The following AKR1D1 variants were observed in gnomAD, a reference collection of about 807,000 sequenced individuals.
The protein encoded by AKR1D1 is aldo-keto reductase family 1 member D1.
A neutral mutation model predicts 42.6 loss-of-function variants in AKR1D1; 32 were observed. The ratio of observed to expected loss-of-function variants is 0.75; its 90% CI spans 0.57 to 1.01. The LOEUF is 1.01. Among genes scored for constraint, AKR1D1 ranks in the 50% least tolerant of loss-of-function variants. The pLI is 0.00. For missense variants in AKR1D1, 364 were observed against 402.2 expected, an observed-to-expected ratio of 0.91 and a Z score of 0.81; for synonymous variants, 123 against 135.5, an observed-to-expected ratio of 0.91 and a Z score of 0.64.
chr7:138,100,699 C>CTTTTTTTTTTTTTTTTTTTTTTTT (rs749956421), intron 4 of AKR1D1, among the ~76,000 whole-genome samples: 1 of 88,392 alleles, frequency 1.1e-5, no homozygotes. Context: ...GTCAGAGATT[C>CTTTTTTTTTTTTTTTTTTTTTTTT]TTTTTTTTTT....
At chr7:138,077,908 T>C (rs1802974141) in intron 1 of AKR1D1, among the ~76,000 whole-genome samples, 1 of 152,132 alleles carries the variant, frequency 6.6e-6, no homozygotes, top group Non-Finnish European at 1.5e-5. Context: ...AATCTGAAAA[T>C]GCAGATTAAG....
At chr7:138,104,781 T>C (rs913984492) in intron 4 of AKR1D1, among the ~76,000 whole-genome samples, 1 of 151,868 alleles carries the variant, frequency 6.6e-6, no homozygotes, top group East Asian at 1.9e-4. Context: ...TTAATTGAGA[T>C]AGGGTCTCAC....
intron 4 of AKR1D1, among the ~76,000 whole-genome samples, chr7:138,098,743 G>C (rs1386801780): frequency 2.0e-5 from 3 of 152,114 alleles, no homozygotes; most frequent in Non-Finnish European, 1.5e-5. Context: ...ATGGATTCGT[G>C]GTGGGGAGGG....
intron 2 of AKR1D1, among the ~76,000 whole-genome samples, chr7:138,090,636 CAAAA>C (rs201055784): frequency 6.6e-5 from 6 of 91,476 alleles, no homozygotes; most frequent in Non-Finnish European, 4.8e-5. Flanking sequence ...GACCCCGTCT[CAAAA>C]AAAAAAAAAA....
intron 7 of AKR1D1, 107 bp downstream of exon 7, chr7:138,107,687 A>G: frequency 1.6e-6 from 2 of 1,217,770 alleles, no homozygotes; most frequent in Non-Finnish European, 2.4e-6. Flanking sequence ...CTCATATTTT[A>G]TTTTATACCA....
chr7:138,088,627 G>A lies in AKR1D1; in HGVS notation c.120G>A (p.Ser40=), dbSNP rs371285423. The A allele has an allele frequency of 1.5e-5, 25 of 1,614,042 alleles. No individual in the cohort carries two copies. In the Admixed American group the frequency reaches 2.3e-4, roughly 15 times the overall value. Reference sequence around the variant, plus strand: ...CCCCTAAGGGAGCCTGTGCAACATCGGTGAAGGTTGCTATTGACACAGGGT... The same window carrying A: ...CCCCTAAGGGAGCCTGTGCAACATCAGTGAAGGTTGCTATTGACACAGGGT... The part of the protein sequence containing the change: ...KSTPKGACAT[S]VKVAIDTGYR... Residue 40 remains serine (S), a synonymous_variant, in exon 2 of 9, where the codon TCG becomes TCA. Transcript: ENST00000242375.
Position 138,118,195 on chromosome 7 carries a change from T to G in AKR1D1, c.*1533T>G, listed in dbSNP as rs563639936. ...TTGAGAAATTATCATTTTAAAAAAT[T>G]TGGTCTATACTGATTGTTTTCACTG... On this transcript the variant is annotated 3_prime_UTR_variant, in exon 9 of 9. Coordinates refer to ENST00000242375, the MANE Select transcript of AKR1D1 (RefSeq NM_005989.4). 1.3e-5 allele frequency among the ~76,000 whole-genome samples: 2 copies of G among 152,238 alleles called. No homozygotes were observed. The highest frequency in any genetic ancestry group is 4.8e-5 in the African/African-American group (2 of 41,552).
intron 1 of AKR1D1, among the ~76,000 whole-genome samples, chr7:138,082,582 G>A (rs1382775338): frequency 6.6e-6 from 1 of 151,962 alleles, no homozygotes; most frequent in African/African-American, 2.4e-5. Flanking sequence ...TTGTAAGACA[G>A]GGTCTTACTA....
At chr7:138,114,710 T>A (rs1794602448) in intron 8 of AKR1D1, among the ~76,000 whole-genome samples, 1 of 150,532 alleles carries the variant, frequency 6.6e-6, no homozygotes, top group Non-Finnish European at 1.5e-5. Context: ...TGTGTATAGA[T>A]ATACACACAC....
At chr7:138,100,118 A>C (rs1185335378) in intron 4 of AKR1D1, among the ~76,000 whole-genome samples, 49 of 132,108 alleles carry the variant, frequency 3.7e-4, no homozygotes, top group East Asian at 3.2e-3. Context: ...AAAAAAAAAA[A>C]CATAAAGAGA....
At chr7:138,083,750 T>C (rs549991247) in intron 1 of AKR1D1, among the ~76,000 whole-genome samples, 106 of 152,268 alleles carry the variant, frequency 7.0e-4, no homozygotes, top group Non-Finnish European at 4.0e-4. Context: ...CCATTTTGAG[T>C]TGACTTTTTG....
intron 1 of AKR1D1, among the ~76,000 whole-genome samples, chr7:138,082,273 G>T (rs1803074622): frequency 6.6e-6 from 1 of 152,042 alleles, no homozygotes; most frequent in African/African-American, 2.4e-5. Flanking sequence ...GCTGTGTTTG[G>T]TTCTTTCCTA....
intron 8 of AKR1D1, among the ~76,000 whole-genome samples, chr7:138,113,994 C>T (rs1244101915): frequency 1.3e-5 from 2 of 152,196 alleles, no homozygotes; most frequent in Non-Finnish European, 2.9e-5. Context: ...GCATCTGTGA[C>T]ATTTTGTGAC....
chr7:138,115,556 C>T (rs17169521), intron 8 of AKR1D1, among the ~76,000 whole-genome samples: 8,986 of 151,686 alleles, frequency 0.059, 382 homozygotes, highest in African/African-American at 0.11. Context: ...CTAGCAACTT[C>T]GGGGAAAAAA....
intron 1 of AKR1D1, among the ~76,000 whole-genome samples, chr7:138,080,685 T>C (rs1041097723): frequency 6.6e-6 from 1 of 152,222 alleles, no homozygotes; most frequent in African/African-American, 2.4e-5. Context: ...AGCATCGCTG[T>C]GGGTTATGCT....
intron 3 of AKR1D1, among the ~76,000 whole-genome samples, chr7:138,094,537 G>T (rs73155742): frequency 0.15 from 23,317 of 151,704 alleles, 1,878 homozygotes; most frequent in South Asian, 0.19. Flanking sequence ...AAAAAAGAGT[G>T]GGGGGGCAGT....
intron 4 of AKR1D1, 105 bp downstream of exon 4, chr7:138,098,048 G>C: frequency 1.1e-6 from 1 of 918,822 alleles, no homozygotes; most frequent in South Asian, 1.3e-5. Flanking sequence ...TACTTTCAAT[G>C]AAAAGTAACA....
chr7:138,079,914 C>A (rs953810269), intron 1 of AKR1D1, among the ~76,000 whole-genome samples: 1 of 152,192 alleles, frequency 6.6e-6, no homozygotes, highest in Non-Finnish European at 1.5e-5. Context: ...CCTTGTAATT[C>A]TCCAACTGGG....
In AKR1D1 at chr7:138,117,124, A is replaced by C. The variant is rs1016226024; in HGVS notation, c.*462A>C. 6.3e-6 allele frequency: 1 copy of C among 158,458 alleles called. No individual in the cohort carries two copies. The highest frequency in any genetic ancestry group is 2.4e-5 in the African/African-American group (1 of 41,530). The allele number at this position is 158,458 out of a possible 1,614,324, so 9.8% of individuals were successfully genotyped here. ...CACAGCCAAGATAAGATCCACACAC[A>C]CATTATTAACAAGGAAGTGATTTGC... On this transcript the variant is annotated 3_prime_UTR_variant, in exon 9 of 9. Coordinates refer to ENST00000242375, the MANE Select transcript of AKR1D1 (RefSeq NM_005989.4).
Sources: allele counts gnomAD v4.1 joint callset (sites outside exome capture counted in the v4.1 genomes callset), GRCh38; gene constraint gnomAD v4.1.1; transcripts MANE v1.5; gene names NCBI Gene and HGNC (gene_info 2026-07-23, HGNC 2026-07-21).